Variants in KIF1A observed in about 807,000 individuals in gnomAD.
KIF1A encodes the protein kinesin family member 1A.
A neutral mutation model predicts 227.3 loss-of-function variants in KIF1A; 46 were observed. That is an observed-to-expected ratio of 0.20 (90% confidence interval 0.16 to 0.26). The LOEUF is 0.26. Ranked by LOEUF, KIF1A falls within the 10% of genes least tolerant of loss-of-function variation. KIF1A has a pLI of 1.00. For missense variants in KIF1A, 1,683 were observed against 2,485.9 expected, an observed-to-expected ratio of 0.68 and a Z score of 6.87; for synonymous variants, 1,022 against 1,012.8, an observed-to-expected ratio of 1.01 and a Z score of -0.17.
At chr2:240,767,077 C>A (rs1056977783) in intron 18 of KIF1A, 56 bp from the exon 19 acceptor site, 45 of 1,388,836 alleles carry the variant, frequency 3.2e-5, no homozygotes, top group Admixed American at 5.7e-5. Context: ...ACCCAGGACG[C>A]CACCCACTGG....
intron 1 of KIF1A, among the ~76,000 whole-genome samples, chr2:240,804,693 G>A (rs1421623559): frequency 6.6e-6 from 1 of 152,146 alleles, no homozygotes; most frequent in Non-Finnish European, 1.5e-5. Flanking sequence ...TCTAGGTGGT[G>A]AAAAAGCAAG....
In KIF1A at chr2:240,734,875, G is replaced by A. The variant is rs1227884538; in HGVS notation, c.4007+2188C>T. Reference sequence around the variant, plus strand: ...TGAGCCAGGGAGGCTGCAAAGCGTGGGGCCTGGGAGCGGGCAGGAGGCAAG... The same window carrying A: ...TGAGCCAGGGAGGCTGCAAAGCGTGAGGCCTGGGAGCGGGCAGGAGGCAAG... On this transcript the variant is annotated intron_variant, in intron 38 of 48. Transcript: ENST00000498729. 6.3e-6 allele frequency: 4 copies of A among 639,184 alleles called. No individual in the cohort carries two copies. In the Admixed American group the frequency reaches 9.6e-5, roughly 15 times the overall value. 39.6% of individuals were successfully genotyped at this position (639,184 alleles called of 1,614,324 possible).
In KIF1A at chr2:240,715,129, A is replaced by G. The variant is rs1373010837; in HGVS notation, c.*2235T>C. ...CCCGTGGGGCTCCCCCTCATCTCAG[A>G]CCAGCGTGTCCTGCCCTGCCTCTCC... On this transcript the variant is annotated 3_prime_UTR_variant, in exon 49 of 49. Coordinates refer to ENST00000498729, the MANE Select transcript of KIF1A (RefSeq NM_001244008.2). 6.6e-6 allele frequency: 1 copy of G among 152,342 alleles called. No individual in the cohort carries two copies. Among genetic ancestry groups the G allele is most frequent in the East Asian group, 1.9e-4 (1 of 5,300 alleles). The allele number at this position is 152,342 out of a possible 1,614,324, so 9.4% of individuals were successfully genotyped here. A position where few individuals can be genotyped will look rare whatever the true frequency, so the allele number is the denominator to read the frequency against.
At chr2:240,785,853 G>A (rs998840408) in intron 6 of KIF1A, among the ~76,000 whole-genome samples, 3 of 152,184 alleles carry the variant, frequency 2.0e-5, no homozygotes, top group Admixed American at 6.5e-5. Context: ...AGTCCCGGGT[G>A]GCAGAGGGAG....
chr2:240,786,180 A>G (rs1235191472), intron 6 of KIF1A, among the ~76,000 whole-genome samples, 155 bp downstream of exon 6: 1 of 152,174 alleles, frequency 6.6e-6, no homozygotes, highest in Non-Finnish European at 1.5e-5. Flanking sequence ...TCGGGCTGGC[A>G]CAGGCCTAAA....
At chr2:240,767,823 G>GGAGCCAA (rs2051403096) in intron 17 of KIF1A, among the ~76,000 whole-genome samples, 1 of 152,258 alleles carries the variant, frequency 6.6e-6, no homozygotes, top group Admixed American at 6.5e-5. Context: ...TTCACCAGTG[G>GGAGCCAA]GAGCCAAGAG....
rs760338913 is a variant in KIF1A, at chr2:240,763,253, G to A, written c.1862C>T (p.Thr621Met). 88 of 1,612,662 alleles carry A rather than the reference G, an allele frequency of 5.5e-5. No individual in the cohort carries two copies. The highest frequency in any genetic ancestry group is 1.2e-4 in the Admixed American group (7 of 59,888). Residue 621 changes from threonine to methionine, a missense_variant, in exon 21 of 49, where the codon ACG (threonine) becomes ATG (methionine). Thr to Met is a moderately conservative substitution (Grantham distance 81). Coordinates refer to ENST00000498729, the MANE Select transcript of KIF1A (RefSeq NM_001244008.2). ...GGCCCAGTCCACAGGCTCAGCTGGC[G>A]TCTCCGCACAAGGCGTGCGCTCACG... is the stretch of plus-strand genomic sequence containing the variant. ...QERERTPCAETPAEPVDWAFA... is the reference protein window; with the variant it reads ...QERERTPCAEMPAEPVDWAFA...
chr2:240,783,958 C>T (rs1426242525), intron 7 of KIF1A, 142 bp from the exon 8 acceptor site: 1 of 677,804 alleles, frequency 1.5e-6, no homozygotes, highest in Non-Finnish European at 2.7e-6. Context: ...TCCCCAGGCC[C>T]AGCAGTCCTG....
intron 47 of KIF1A, 78 bp from the exon 48 acceptor site, chr2:240,718,246 G>A: frequency 9.9e-7 from 1 of 1,013,022 alleles, no homozygotes; most frequent in Middle Eastern, 2.4e-4. Context: ...CAGGGCCCAG[G>A]CAGGCAGGGG....
chr2:240,758,548 T>C lies in KIF1A; in HGVS notation c.2445-51A>G. ...GGACCCAGGCCCAGCGCTCAGCAGC[T>C]GGCACCGCACACCCTTATCTCCTGG... On this transcript the variant is annotated intron_variant, in intron 25 of 48. Coordinates refer to ENST00000498729, the MANE Select transcript of KIF1A (RefSeq NM_001244008.2). This position sits in a 1 kb window ranked among gnomAD's most constrained non-coding sequence, Gnocchi z 5.2. 1 of 1,482,674 alleles carries C rather than the reference T, an allele frequency of 6.7e-7. No homozygotes were observed. Among genetic ancestry groups the C allele is most frequent in the South Asian group, 1.4e-5 (1 of 71,504 alleles). The allele number at this position is 1,482,674 out of a possible 1,614,324, so 91.8% of individuals were successfully genotyped here.
intron 28 of KIF1A, among the ~76,000 whole-genome samples, chr2:240,748,407 C>T (rs1016276926): frequency 4.6e-5 from 7 of 152,200 alleles, no homozygotes; most frequent in African/African-American, 1.4e-4. Flanking sequence ...ACGGCAGCTG[C>T]CCTCACAAGG....
In KIF1A at chr2:240,790,188, C is replaced by G. The variant is rs1458447944; in HGVS notation, c.107-876G>C. 6.6e-6 allele frequency among the ~76,000 whole-genome samples: 1 copy of G among 152,178 alleles called. No individual in the cohort carries two copies. The highest frequency in any genetic ancestry group is 1.9e-4 in the East Asian group (1 of 5,154). Reference sequence around the variant, plus strand: ...GCCGGAAGGACAGGACCCGCTGCCCCCTGGAACACTGTCTGAACCCAGAAT... The same window carrying G: ...GCCGGAAGGACAGGACCCGCTGCCCGCTGGAACACTGTCTGAACCCAGAAT... On this transcript the variant is annotated intron_variant, in intron 2 of 48. Transcript: ENST00000498729. The surrounding 1 kb of genome is among the most constrained non-coding windows in gnomAD (Gnocchi z 5.0).
chr2:240,788,344 G>C lies in KIF1A; in HGVS notation c.184-114C>G. 1 of 928,224 alleles carries C rather than the reference G, an allele frequency of 1.1e-6. No homozygotes were observed. Among genetic ancestry groups the C allele is most frequent in the South Asian group, 1.4e-5 (1 of 69,674 alleles). 57.5% of individuals were successfully genotyped at this position (928,224 alleles called of 1,614,324 possible). ...GGCCTCAGGGTGCCAGGGCAGCACA[G>C]TGGGGAGGGATGCCTGCCCCCCATC... On this transcript the variant is annotated intron_variant, in intron 3 of 48. Transcript: ENST00000498729. This position sits in a 1 kb window ranked among gnomAD's most constrained non-coding sequence, Gnocchi z 6.6.
At chr2:240,768,121 C>T (rs1398398857) in intron 17 of KIF1A, among the ~76,000 whole-genome samples, 2 of 152,220 alleles carry the variant, frequency 1.3e-5, no homozygotes, top group Non-Finnish European at 1.5e-5. Context: ...GAACACTGAA[C>T]TTCTCAAGAA....
At chr2:240,730,998 C>T (rs536514880) in intron 38 of KIF1A, among the ~76,000 whole-genome samples, 17 of 152,324 alleles carry the variant, frequency 1.1e-4, no homozygotes, top group African/African-American at 3.4e-4. Flanking sequence ...GGCTCCCTCC[C>T]GGCCTGACTG....
At position 240,752,129 on chromosome 2, in the gene KIF1A, T is replaced by C. The variant is rs1022151846; in HGVS notation, c.2859-1582A>G. On this transcript the variant is annotated intron_variant, in intron 27 of 48. Transcript: ENST00000498729. The surrounding 1 kb of genome is among the most constrained non-coding windows in gnomAD (Gnocchi z 6.4). ...GTAAAGGAAGCCCCTGGTGGCTTTT[T>C]GGGCCCTCTCCCCAGCACAACGCCC... 1.3e-5 allele frequency among the ~76,000 whole-genome samples: 2 copies of C among 151,728 alleles called. No individual in the cohort carries two copies. The highest frequency in any genetic ancestry group is 4.8e-5 in the African/African-American group (2 of 41,294).
chr2:240,800,105 G>GACACACACACACAC (rs3220094), intron 1 of KIF1A, among the ~76,000 whole-genome samples: 17 of 143,064 alleles, frequency 1.2e-4, no homozygotes, highest in Middle Eastern at 7.2e-3. Context: ...GTCCAAAGCA[G>GACACACACACACAC]ACACACACAC....
At chr2:240,730,432 T>G (rs1444180026) in intron 38 of KIF1A, among the ~76,000 whole-genome samples, 1 of 152,122 alleles carries the variant, frequency 6.6e-6, no homozygotes, top group Non-Finnish European at 1.5e-5. Flanking sequence ...GGACCCCCAC[T>G]CCAGGAGCAG....
At position 240,718,103 on chromosome 2, in the gene KIF1A, C is replaced by T. The variant is rs2044776548; in HGVS notation, c.5280G>A (p.Lys1760=). ...AGGCGTACAGCCAGTCATGCATGTC[C>T]TTGTCGCTGGCGGCCTGCAGCAGGA... ...RGILLQAASD[K]DMHDWLYAFN... Residue 1760 remains lysine, a synonymous_variant, in exon 48 of 49, where the codon AAG becomes AAA. Coordinates refer to ENST00000498729, the MANE Select transcript of KIF1A (RefSeq NM_001244008.2). 10 of 1,611,922 alleles carry T rather than the reference C, an allele frequency of 6.2e-6. No individual in the cohort carries two copies. In the East Asian group the frequency reaches 2.2e-4, roughly 36 times the overall value.
Sources: gnomAD v4.1 joint callset for allele counts (sites outside exome capture counted in the v4.1 genomes callset) on GRCh38, gnomAD v4.1.1 for gene constraint, Gnocchi (gnomAD v3.1) non-coding constraint, MANE v1.5 for transcripts, NCBI Gene and HGNC (gene_info 2026-07-23, HGNC 2026-07-21) for gene names.